Variants in PHLDB2 observed in about 807,000 individuals in gnomAD.
PHLDB2 encodes pleckstrin homology-like domain family B member 2.
A neutral mutation model predicts 123.6 loss-of-function variants in PHLDB2; 71 were observed. That is an observed-to-expected ratio of 0.57 (90% CI 0.47 to 0.70). The LOEUF (loss-of-function observed/expected upper bound fraction) is 0.70. Among genes scored for constraint, PHLDB2 ranks in the 30% least tolerant of loss-of-function variants. The pLI is 0.00. For synonymous variants in PHLDB2, 547 were observed against 541.6 expected (o/e 1.01, Z -0.14); for missense variants, 1,446 against 1,519.5 (o/e 0.95, Z 0.80).
At chr3:111,762,647 C>T (rs1043018472) in intron 1 of PHLDB2, among the ~76,000 whole-genome samples, 1 of 152,186 alleles carries the variant, frequency 6.6e-6, no homozygotes, top group Non-Finnish European at 1.5e-5. Context: ...TTCAAGCCCT[C>T]CTGGAGTCTC....
intron 13 of PHLDB2, 35 bp downstream of exon 13, chr3:111,962,347 G>C: frequency 6.3e-7 from 1 of 1,576,124 alleles, no homozygotes; most frequent in Non-Finnish European, 8.6e-7. Flanking sequence ...TTCTGGTTTG[G>C]AAAAGAGCCT....
intron 10 of PHLDB2, among the ~76,000 whole-genome samples, chr3:111,950,605 A>T (rs9867058): frequency 0.14 from 20,915 of 147,118 alleles, 1,702 homozygotes; most frequent in South Asian, 0.24. Context: ...TTGGGTATTC[A>T]AAAAAAAAAT....
At chr3:111,760,604 T>C (rs2059976166) in intron 1 of PHLDB2, among the ~76,000 whole-genome samples, 1 of 152,212 alleles carries the variant, frequency 6.6e-6, no homozygotes, top group African/African-American at 2.4e-5. Context: ...GGGACTCATC[T>C]TACTCTGGCT....
intron 13 of PHLDB2, 39 bp downstream of exon 13, chr3:111,962,351 A>G (rs1680794715): frequency 1.3e-6 from 2 of 1,568,140 alleles, no homozygotes; most frequent in South Asian, 2.4e-5. Context: ...GGTTTGGAAA[A>G]GAGCCTACTG....
chr3:111,940,654 T>G lies in PHLDB2; in HGVS notation c.2397+9T>G, dbSNP rs774429317. Reference sequence around the variant, plus strand: ...TAATGATGTTGCAAAGAGTAAGTATTTCCTTTTCAGCACTGGCTACAGTAA... The same window carrying G: ...TAATGATGTTGCAAAGAGTAAGTATGTCCTTTTCAGCACTGGCTACAGTAA... On this transcript the variant is annotated intron_variant, in intron 8 of 17. Transcript: ENST00000431670. 35 of 1,521,496 alleles carry G rather than the reference T, an allele frequency of 2.3e-5. No individual in the cohort carries two copies. Among genetic ancestry groups the G allele is most frequent in the Admixed American group, 7.3e-5 (4 of 54,850 alleles). The allele number at this position is 1,521,496 out of a possible 1,614,324, so 94.2% of individuals were successfully genotyped here.
rs1037252059 is a variant in PHLDB2, at chr3:111,962,443, G to T, written c.3077+131G>T. The T allele has an allele frequency of 1.6e-5, 11 of 707,710 alleles. No homozygotes were observed. In the African/African-American group the frequency reaches 2.1e-4, roughly 13 times the overall value. The allele number at this position is 707,710 out of a possible 1,614,324, so 43.8% of individuals were successfully genotyped here. A position where few individuals can be genotyped will look rare whatever the true frequency, so the allele number is the denominator to read the frequency against. On this transcript the variant is annotated intron_variant, in intron 13 of 17. Coordinates refer to ENST00000431670, the MANE Select transcript of PHLDB2 (RefSeq NM_001134438.2). ...TGAGACATAAAGGGTCTGTAATGCAGAAGAGGGTTGGTATCATGATGGCCT... is the reference window on the plus strand; with the variant it reads ...TGAGACATAAAGGGTCTGTAATGCATAAGAGGGTTGGTATCATGATGGCCT...
At chr3:111,806,006 T>C (rs929072465) in intron 1 of PHLDB2, among the ~76,000 whole-genome samples, 4 of 148,022 alleles carry the variant, frequency 2.7e-5, no homozygotes, top group African/African-American at 7.5e-5. Context: ...GAGTTATCAA[T>C]TGGATACTTA....
chr3:111,862,580 C>A (rs1054164853), intron 1 of PHLDB2, among the ~76,000 whole-genome samples: 1 of 152,228 alleles, frequency 6.6e-6, no homozygotes, highest in Non-Finnish European at 1.5e-5. Flanking sequence ...AGCCCCAAAC[C>A]CTGCACTACA....
chr3:111,844,505 C>T (rs890056758), intron 1 of PHLDB2, among the ~76,000 whole-genome samples: 6 of 152,286 alleles, frequency 3.9e-5, no homozygotes, highest in East Asian at 1.9e-4. Context: ...TGGCTTGATG[C>T]GTTGTACCTC....
chr3:111,763,029 A>G (rs1412342106), intron 1 of PHLDB2, among the ~76,000 whole-genome samples: 1 of 152,202 alleles, frequency 6.6e-6, no homozygotes, highest in Non-Finnish European at 1.5e-5. Context: ...CTGCACCTGC[A>G]AGAATCCTTG....
chr3:111,870,238 G>A (rs918027426), intron 1 of PHLDB2, among the ~76,000 whole-genome samples: 1 of 152,056 alleles, frequency 6.6e-6, no homozygotes, highest in Non-Finnish European at 1.5e-5. Flanking sequence ...TGGAAGGAGA[G>A]AGGATCTGGG....
rs574052336 is a variant in PHLDB2, at chr3:111,809,033, T to G, written c.-48-36788T>G. ...TACCAAGAAATGCAATGGCTTAATC[T>G]ATACTTTCCAGAAGGAACTGACTGC... On this transcript the variant is annotated intron_variant, in intron 1 of 17. Coordinates refer to the PHLDB2 transcript ENST00000393923. Among the ~76,000 whole-genome samples the G allele has an allele frequency of 9.2e-5, 14 of 152,354 alleles. No homozygotes were observed. The South Asian group carries it at 2.5e-3, about 27-fold the overall frequency.
At chr3:111,799,072 G>A (rs2061281515) in intron 1 of PHLDB2, among the ~76,000 whole-genome samples, 1 of 152,216 alleles carries the variant, frequency 6.6e-6, no homozygotes. Flanking sequence ...GAAGCAGGAA[G>A]CCCCTTATAA....
At position 111,842,997 on chromosome 3, in the gene PHLDB2, A is replaced by G. The variant is rs1456799764; in HGVS notation, c.-48-2824A>G. On this transcript the variant is annotated intron_variant, in intron 1 of 17. Coordinates refer to the PHLDB2 transcript ENST00000393923. ...TAGATAAATCACGCTTTATCCATTCACCTTTTGAAATACATCTGAGTTGTT... is the reference window on the plus strand; with the variant it reads ...TAGATAAATCACGCTTTATCCATTCGCCTTTTGAAATACATCTGAGTTGTT... Among the ~76,000 whole-genome samples, 12 of 152,310 alleles carry G rather than the reference A, an allele frequency of 7.9e-5. No individual in the cohort carries two copies. The East Asian group carries it at 1.3e-3, about 17-fold the overall frequency.
chr3:111,939,421 A>G, intron 6 of PHLDB2, 54 bp from the exon 7 acceptor site: 2 of 1,531,234 alleles, frequency 1.3e-6, no homozygotes, highest in South Asian at 1.2e-5. Flanking sequence ...TCTTCACATT[A>G]AGAAGGTGGT....
At chr3:111,901,842 A>G (rs575712669) in intron 2 of PHLDB2, among the ~76,000 whole-genome samples, 1 of 152,326 alleles carries the variant, frequency 6.6e-6, no homozygotes, top group African/African-American at 2.4e-5. Flanking sequence ...AACATCTGGC[A>G]TGTTTTACAT....
rs1487977327 is a variant in PHLDB2, at chr3:111,885,150, C to T, written c.1073C>T (p.Ser358Leu). 2.7e-5 allele frequency: 43 copies of T among 1,613,986 alleles called. No individual in the cohort carries two copies. The highest frequency in any genetic ancestry group is 3.5e-5 in the Non-Finnish European group (41 of 1,180,026). ...GCCTCTGATGACTTTGATCAGGCTT[C>T]ATATGTGGGGACAAACCCGAGTCAT... ...SCASDDFDQASYVGTNPSHSL... is the reference protein window; with the variant it reads ...SCASDDFDQALYVGTNPSHSL... The change falls in exon 2 of 18, where the codon TCA becomes TTA. Residue 358 changes from serine to leucine, a missense_variant. Physicochemically the swap from Ser to Leu is moderately radical, Grantham distance 145. This residue lies in a region of PHLDB2 where 832 missense variants were observed against 831.9 expected (regional missense o/e 1.00). Transcript: ENST00000431670.
chr3:111,941,845 G>A (rs2107604102), intron 8 of PHLDB2, among the ~76,000 whole-genome samples: 1 of 111,030 alleles, frequency 9.0e-6, no homozygotes, highest in Admixed American at 8.7e-5. Context: ...AAAAGGAGAA[G>A]AGAGAGGAAA....
intron 2 of PHLDB2, among the ~76,000 whole-genome samples, chr3:111,898,342 C>T (rs1023027849): frequency 6.6e-6 from 1 of 152,020 alleles, no homozygotes; most frequent in African/African-American, 2.4e-5. Flanking sequence ...CCACCACACC[C>T]AGCTATTTTT....
Sources: gnomAD v4.1 joint callset for allele counts (sites outside exome capture counted in the v4.1 genomes callset) on GRCh38, gnomAD v4.1.1 for gene constraint, gnomAD v4.1.1 regional missense constraint, MANE v1.5 for transcripts, NCBI Gene and HGNC (gene_info 2026-07-23, HGNC 2026-07-21) for gene names.